Variants in PNKD observed in about 807,000 individuals in gnomAD.
The protein encoded by PNKD is PNKD metallo-beta-lactamase domain containing.
Under a neutral mutation model 45.3 loss-of-function variants are expected in PNKD, and 36 were observed. The ratio of observed to expected loss-of-function variants is 0.80; its 90% CI spans 0.61 to 1.05. The LOEUF (loss-of-function observed/expected upper bound fraction) is 1.05. Among genes scored for constraint, PNKD ranks in the 50% least tolerant of loss-of-function variants. PNKD has a pLI of 0.00. For synonymous variants in PNKD, 197 were observed against 210.1 expected, an observed-to-expected ratio of 0.94 and a Z score of 0.54; for missense variants, 511 against 506.6, an observed-to-expected ratio of 1.01 and a Z score of -0.08.
chr2:218,346,197 G>A lies in PNKD; in HGVS notation c.*1216G>A, dbSNP rs999439159. The stretch of plus-strand genomic sequence containing the variant: ...GTCGAGATCCCTTTGGAGCCACAGC[G>A]AGGAACCCTGTGGTCCTCAGGCAGG... On this transcript the variant is annotated 3_prime_UTR_variant, in exon 10 of 10. Coordinates refer to ENST00000273077, the MANE Select transcript of PNKD (RefSeq NM_015488.5). 3 of 152,632 alleles carry A rather than the reference G, an allele frequency of 2.0e-5. No individual in the cohort carries two copies. Among genetic ancestry groups the A allele is most frequent in the Non-Finnish European group, 2.9e-5 (2 of 68,108 alleles). The allele number at this position is 152,632 out of a possible 1,614,324, so 9.5% of individuals were successfully genotyped here.
At chr2:218,314,811 G>A (rs1693727775) in intron 2 of PNKD, among the ~76,000 whole-genome samples, 1 of 151,506 alleles carries the variant, frequency 6.6e-6, no homozygotes, top group South Asian at 2.1e-4. Flanking sequence ...GTGCCTCAGT[G>A]CCCAAGTAGC....
At chr2:218,305,621 G>A (rs1426497407) in intron 2 of PNKD, among the ~76,000 whole-genome samples, 2 of 151,952 alleles carry the variant, frequency 1.3e-5, no homozygotes, top group Non-Finnish European at 2.9e-5. Flanking sequence ...GCCTTCCAAA[G>A]TGCTGGGATT....
At chr2:218,293,280 G>T (rs1693041882) in intron 2 of PNKD, among the ~76,000 whole-genome samples, 1 of 152,210 alleles carries the variant, frequency 6.6e-6, no homozygotes, top group Non-Finnish European at 1.5e-5. Flanking sequence ...TTTTGAGGAA[G>T]TTCTGAAATA....
intron 2 of PNKD, chr2:218,276,138 G>A: frequency 6.3e-7 from 1 of 1,576,068 alleles, no homozygotes; most frequent in Non-Finnish European, 8.7e-7. Context: ...CAGGCCCACA[G>A]GCCCCAGCTT....
intron 5 of PNKD, 42 bp from the exon 6 acceptor site, chr2:218,341,492 G>T (rs141067900): frequency 2.3e-6 from 3 of 1,304,864 alleles, no homozygotes; most frequent in African/African-American, 1.5e-5. Flanking sequence ...CTTAGGTACA[G>T]TTGCCCCTCG....
rs1282927772 is a variant in PNKD at position 218,326,573 on chromosome 2, GCATCTAAAATACA to G, written c.237-13207_237-13195del. On this transcript the variant is annotated intron_variant, in intron 2 of 9. Coordinates refer to ENST00000273077, the MANE Select transcript of PNKD (RefSeq NM_015488.5). This position sits in a 1 kb window ranked among gnomAD's most constrained non-coding sequence, Gnocchi z 4.1. The stretch of plus-strand genomic sequence containing the variant: ...GCTCCTGTGAAGATCAAATGAAACC[GCATCTAAAATACA>G]CAGGGCCTGGCTCAAAAAGAGTGTT... Among the ~76,000 whole-genome samples, 10 of 152,158 alleles carry G rather than the reference GCATCTAAAATACA, an allele frequency of 6.6e-5. No homozygotes were observed. The highest frequency in any genetic ancestry group is 1.5e-4 in the Non-Finnish European group (10 of 68,034).
intron 2 of PNKD, among the ~76,000 whole-genome samples, chr2:218,293,759 T>C (rs1693060396): frequency 9.2e-6 from 1 of 109,106 alleles, no homozygotes; most frequent in Admixed American, 8.8e-5. Context: ...ATTTTGTTTG[T>C]TTGCTTGTTT....
chr2:218,272,383 G>A (rs551658985), intron 2 of PNKD, among the ~76,000 whole-genome samples: 276 of 152,356 alleles, frequency 1.8e-3, no homozygotes, highest in African/African-American at 6.4e-3. Context: ...GAGTTACGGG[G>A]TTTTAAGCAG....
At chr2:218,284,729 C>A (rs190839008) in intron 2 of PNKD, among the ~76,000 whole-genome samples, 236 of 152,336 alleles carry the variant, frequency 1.5e-3, no homozygotes, top group African/African-American at 5.4e-3. Context: ...AGTTTCTTCA[C>A]CTGGAAAATG....
intron 2 of PNKD, among the ~76,000 whole-genome samples, chr2:218,301,832 A>G (rs1322842921): frequency 6.6e-6 from 1 of 152,076 alleles, no homozygotes; most frequent in East Asian, 1.9e-4. Context: ...CCAGGACTCA[A>G]CCCCAATACC....
chr2:218,316,242 T>C (rs1192902926), intron 2 of PNKD, among the ~76,000 whole-genome samples: 2 of 150,152 alleles, frequency 1.3e-5, no homozygotes, highest in African/African-American at 4.9e-5. Flanking sequence ...TGGCACAAGG[T>C]CAAGGGAAGA....
rs1223528315 is a variant in PNKD at position 218,343,537 on chromosome 2, C to T, written c.819C>T (p.Ser273=). 6.2e-7 allele frequency: 1 copy of T among 1,613,786 alleles called. No individual in the cohort carries two copies. Among genetic ancestry groups the T allele is most frequent in the Middle Eastern group, 1.6e-4 (1 of 6,062 alleles). ...AGGGCAATGCAGAGACCATGCTGAG[C>T]TCACTGGACACTGTGCTGGGGCTAG... ...TFEGNAETML[S]SLDTVLGLGD... is the part of the protein sequence containing the mutation. Residue 273 remains serine, a synonymous_variant, in exon 8 of 10, where the codon AGC becomes AGT. Coordinates refer to ENST00000273077, the MANE Select transcript of PNKD (RefSeq NM_015488.5).
chr2:218,304,773 A>G (rs1693364792), intron 2 of PNKD, among the ~76,000 whole-genome samples: 1 of 152,028 alleles, frequency 6.6e-6, no homozygotes, highest in South Asian at 2.1e-4. Flanking sequence ...TCGTTTGTTC[A>G]TCTCTAAAGT....
At chr2:218,292,942 A>G (rs911915130) in intron 2 of PNKD, among the ~76,000 whole-genome samples, 1 of 152,230 alleles carries the variant, frequency 6.6e-6, no homozygotes, top group East Asian at 1.9e-4. Context: ...CAAAAGCACA[A>G]TCTTAATGCC....
chr2:218,296,278 ACTAC>A (rs1472873971), intron 2 of PNKD, among the ~76,000 whole-genome samples: 1 of 152,244 alleles, frequency 6.6e-6, no homozygotes, highest in Non-Finnish European at 1.5e-5. Flanking sequence ...TTCCAGCAAC[ACTAC>A]CTAGGAGGAA....
chr2:218,285,296 T>A lies in PNKD; in HGVS notation c.236+13747T>A, dbSNP rs546930665. Among the ~76,000 whole-genome samples the A allele has an allele frequency of 8.5e-5, 13 of 152,308 alleles. 1 individual carries two copies. The South Asian group carries it at 2.5e-3, about 29-fold the overall frequency. On this transcript the variant is annotated intron_variant, in intron 2 of 9. Coordinates refer to ENST00000273077, the MANE Select transcript of PNKD (RefSeq NM_015488.5). ...CCAAGATAACCTAGCTAGAGTGTGA[T>A]GAAGTCAAAATGAGCCCCAAGACTG...
At chr2:218,311,316 A>C (rs1693609998) in intron 2 of PNKD, among the ~76,000 whole-genome samples, 1 of 152,202 alleles carries the variant, frequency 6.6e-6, no homozygotes, top group African/African-American at 2.4e-5. Context: ...ACTGAGAAAG[A>C]AATAAGACAC....
chr2:218,285,556 A>G (rs149191613), intron 2 of PNKD, among the ~76,000 whole-genome samples: 201 of 152,352 alleles, frequency 1.3e-3, no homozygotes, highest in Non-Finnish European at 1.8e-3. Context: ...CATAAAGGTC[A>G]GAGCTGGAAA....
At chr2:218,277,523 C>T in intron 2 of PNKD, 1 of 1,606,322 alleles carries the variant, frequency 6.2e-7, no homozygotes, top group South Asian at 1.1e-5. Context: ...ATCACCACTT[C>T]CAGAGGGGAC....
Sources: allele counts gnomAD v4.1 joint callset (sites outside exome capture counted in the v4.1 genomes callset), GRCh38; gene constraint gnomAD v4.1.1; non-coding constraint Gnocchi (gnomAD v3.1); transcripts MANE v1.5; gene names NCBI Gene and HGNC (gene_info 2026-07-23, HGNC 2026-07-21).